Variants in CCDC13 observed in about 807,000 individuals in gnomAD.
CCDC13 encodes coiled-coil domain-containing protein 13.
CCDC13 carries 70 observed loss-of-function variants against 87.3 expected under a neutral mutation model. The observed-to-expected ratio is 0.80, with a 90% confidence interval of 0.66 to 0.98. The LOEUF (loss-of-function observed/expected upper bound fraction) is 0.98, where lower values mean the gene tolerates loss of function less well. Among genes scored for constraint, CCDC13 ranks in the 50% least tolerant of loss-of-function variants. CCDC13 has a pLI of 0.00. For synonymous variants in CCDC13, 317 were observed against 360.3 expected (o/e 0.88, Z 1.36); for missense variants, 842 against 892.0 (o/e 0.94, Z 0.71).
At chr3:42,751,823 G>A (rs1699586712) in intron 5 of CCDC13, 113 bp downstream of exon 5, 1 of 853,686 alleles carries the variant, frequency 1.2e-6, no homozygotes, top group East Asian at 2.4e-5. Context: ...TCGGCAGCGG[G>A]GTTGGGGGTT....
intron 8 of CCDC13, among the ~76,000 whole-genome samples, chr3:42,741,735 TA>T (rs1031664757): frequency 3.3e-5 from 5 of 150,444 alleles, no homozygotes; most frequent in Admixed American, 2.6e-4. Flanking sequence ...AGACTCTATC[TA>T]AAAAAAAACA....
At chr3:42,739,933 C>G in intron 8 of CCDC13, 123 bp from the exon 9 acceptor site, 1 of 855,614 alleles carries the variant, frequency 1.2e-6, no homozygotes, top group Middle Eastern at 3.5e-4. Flanking sequence ...TTGAATGCCA[C>G]AGAGCAAGTC....
chr3:42,718,757 A>C (rs1427663426), intron 13 of CCDC13, among the ~76,000 whole-genome samples: 1 of 152,138 alleles, frequency 6.6e-6, no homozygotes, highest in Non-Finnish European at 1.5e-5. Flanking sequence ...GGTGGGATCC[A>C]GTAACATCTT....
intron 8 of CCDC13, among the ~76,000 whole-genome samples, chr3:42,742,571 C>T (rs1471545839): frequency 6.6e-6 from 1 of 152,146 alleles, no homozygotes; most frequent in African/African-American, 2.4e-5. Flanking sequence ...CCCTTTAAGC[C>T]CCATCTAACC....
intron 13 of CCDC13, among the ~76,000 whole-genome samples, chr3:42,724,587 T>C (rs551394006): frequency 6.6e-6 from 1 of 152,366 alleles, no homozygotes; most frequent in African/African-American, 2.4e-5. Flanking sequence ...GATCCTAATT[T>C]GTCAATGTAT....
intron 7 of CCDC13, among the ~76,000 whole-genome samples, chr3:42,743,281 G>A (rs1016713316): frequency 9.2e-5 from 14 of 151,992 alleles, no homozygotes; most frequent in African/African-American, 2.9e-4. Flanking sequence ...TGGTGAATGA[G>A]AAAAATCACC....
At position 42,725,544 on chromosome 3, in the gene CCDC13, A is replaced by C. The variant is rs1037806711; in HGVS notation, c.1718+4923T>G. Among the ~76,000 whole-genome samples the C allele has an allele frequency of 2.6e-5, 4 of 151,542 alleles. No individual in the cohort carries two copies. The South Asian group carries it at 8.4e-4, about 32-fold the overall frequency. On this transcript the variant is annotated intron_variant, in intron 13 of 15. Transcript: ENST00000310232. ...GTGAGACCCTGTCTCAAAAAAAAAA[A>C]AAAAGAGGACTAAGATAATATCCAT...
chr3:42,712,751 T>C (rs559000391), intron 14 of CCDC13, among the ~76,000 whole-genome samples: 68 of 152,330 alleles, frequency 4.5e-4, no homozygotes, highest in African/African-American at 1.6e-3. Context: ...TTATATCAAC[T>C]TGACCATTGC....
At chr3:42,748,599 A>G (rs1699485695) in intron 5 of CCDC13, among the ~76,000 whole-genome samples, 1 of 152,214 alleles carries the variant, frequency 6.6e-6, no homozygotes, top group African/African-American at 2.4e-5. Context: ...GGGAAGTTCC[A>G]TGGACCCCAG....
intron 13 of CCDC13, among the ~76,000 whole-genome samples, chr3:42,723,926 T>G (rs1191787556): frequency 2.6e-5 from 4 of 152,184 alleles, no homozygotes; most frequent in African/African-American, 9.7e-5. Context: ...CAGAAGATTA[T>G]GCATACTATA....
At position 42,730,537 on chromosome 3, in the gene CCDC13, T is replaced by C. The variant is rs758285106; in HGVS notation, c.1648A>G (p.Lys550Glu). The change falls in exon 13 of 16, where the codon AAG becomes GAG. Residue 550 changes from lysine to glutamate, a missense_variant. Coordinates refer to ENST00000310232, the MANE Select transcript of CCDC13 (RefSeq NM_144719.4). ...KGWQAQVSEI[K>E]ALWQAAEVER... ...ACCTCGGCAGCCTGCCAGAGGGCCT[T>C]GATCTCTGACACTTGTGCCTGCCAG... 3 of 1,614,182 alleles carry C rather than the reference T, an allele frequency of 1.9e-6. No homozygotes were observed. In the Admixed American group the frequency reaches 5.0e-5, roughly 27 times the overall value.
At chr3:42,753,406 G>A (rs1379014399) in intron 3 of CCDC13, among the ~76,000 whole-genome samples, 2 of 152,172 alleles carry the variant, frequency 1.3e-5, no homozygotes, top group East Asian at 1.9e-4. Flanking sequence ...TGGTGGTAAC[G>A]CCTACCCAAT....
intron 7 of CCDC13, among the ~76,000 whole-genome samples, chr3:42,743,618 TATACAC>T (rs1267082993): frequency 2.9e-5 from 4 of 138,388 alleles, no homozygotes; most frequent in Admixed American, 1.5e-4. Context: ...CACATATATA[TATACAC>T]ATATACACAC....
chr3:42,746,006 C>T lies in CCDC13; in HGVS notation c.742G>A (p.Glu248Lys), dbSNP rs1699385358. Residue 248 changes from glutamate (E) to lysine (K), a missense_variant, in exon 7 of 16, where the codon GAA becomes AAA. Transcript: ENST00000310232. ...AQKVLAREVGEDINVQQLLSS... is the reference protein window; with the variant it reads ...AQKVLAREVGKDINVQQLLSS... ...AGGAGCTGCTGAACGTTGATGTCTT[C>T]CCCAACCTCTCTGGCCAAAACCTGA... 6.2e-7 allele frequency: 1 copy of T among 1,614,096 alleles called. No homozygotes were observed. Among genetic ancestry groups the T allele is most frequent in the Non-Finnish European group, 8.5e-7 (1 of 1,179,962 alleles).
Position 42,713,254 on chromosome 3 carries a change from C to A in CCDC13, c.1781G>T (p.Arg594Leu), listed in dbSNP as rs775504311. ...CAGATGTTGCTCCAGCACCACGGTG[C>A]GGTGTCGCTCCTCCTGCAGCTTCCT... ...SERKLQEERH[R>L]TVVLEQHLEK... The change falls in exon 14 of 16, where the codon CGC (arginine) becomes CTC (leucine). Residue 594 changes from arginine (R) to leucine (L), a missense_variant. By Grantham distance (102) the Arg-to-Leu change is moderately radical (BLOSUM62 -2). Transcript: ENST00000310232. 1.4e-5 allele frequency: 23 copies of A among 1,614,018 alleles called. No homozygotes were observed. The highest frequency in any genetic ancestry group is 4.5e-5 in the East Asian group (2 of 44,890).
At chr3:42,739,134 G>T (rs1282945325) in intron 9 of CCDC13, among the ~76,000 whole-genome samples, 3 of 152,118 alleles carry the variant, frequency 2.0e-5, no homozygotes, top group Admixed American at 6.6e-5. Flanking sequence ...TCAGTTGTAT[G>T]GTCTTAGATG....
In CCDC13 at chr3:42,739,791, T is replaced by A. The variant is rs1383870074; in HGVS notation, c.1007A>T (p.Asp336Val). 1 of 1,614,074 alleles carries A rather than the reference T, an allele frequency of 6.2e-7. No individual in the cohort carries two copies. The highest frequency in any genetic ancestry group is 1.1e-5 in the South Asian group (1 of 91,084). Residue 336 changes from aspartate to valine, a missense_variant, in exon 9 of 16, where the codon GAT becomes GTT. Physicochemically the swap from Asp to Val is radical, Grantham distance 152. Coordinates refer to ENST00000310232, the MANE Select transcript of CCDC13 (RefSeq NM_144719.4). Reference sequence around the variant, plus strand: ...CTCTTCAAGCTCTCTCTGGAGGACATCCCGTTCACTGGCAAGTTTCTGTAA... The same window carrying A: ...CTCTTCAAGCTCTCTCTGGAGGACAACCCGTTCACTGGCAAGTTTCTGTAA... ...EGLEKLASERDVLQRELEELK... is the reference protein window; with the variant it reads ...EGLEKLASERVVLQRELEELK...
chr3:42,748,753 C>T (rs1699489761), intron 5 of CCDC13, among the ~76,000 whole-genome samples: 1 of 152,172 alleles, frequency 6.6e-6, no homozygotes, highest in Admixed American at 6.5e-5. Context: ...CAGAGCACCA[C>T]CATCAGGCTA....
At chr3:42,771,998 G>C (rs745498589) in intron 1 of CCDC13, among the ~76,000 whole-genome samples, 5 of 152,040 alleles carry the variant, frequency 3.3e-5, no homozygotes, top group Non-Finnish European at 5.9e-5. Flanking sequence ...TAAGCCGGGC[G>C]TGGTGGCTCA....
Sources: allele counts gnomAD v4.1 joint callset (sites outside exome capture counted in the v4.1 genomes callset), GRCh38; gene constraint gnomAD v4.1.1; transcripts MANE v1.5; gene names NCBI Gene and HGNC (gene_info 2026-07-23, HGNC 2026-07-21).